The following CUL7 variants were observed in gnomAD, a reference collection of about 807,000 sequenced individuals.
CUL7 encodes cullin-7.
In CUL7, 96 loss-of-function variants were observed where a neutral mutation model predicts 177.7. That is an observed-to-expected ratio of 0.54 (90% confidence interval 0.46 to 0.64). CUL7 has a LOEUF of 0.64. Among genes scored for constraint, CUL7 ranks in the 30% least tolerant of loss-of-function variants. The probability of loss-of-function intolerance (pLI) is 0.00; values close to 1 mark genes in which losing one functional copy is unlikely to be tolerated. For missense variants in CUL7, 1,893 were observed against 2,187.9 expected (o/e 0.87, Z 2.69); for synonymous variants, 824 against 890.2 (o/e 0.93, Z 1.32).
Position 43,043,727 on chromosome 6 carries a change from G to A in CUL7, c.3173-97C>T, listed in dbSNP as rs550037715. On this transcript the variant is annotated intron_variant, in intron 16 of 25. Transcript: ENST00000265348. This position sits in a 1 kb window ranked among gnomAD's most constrained non-coding sequence, Gnocchi z 4.2. ...GAGTGTGGAGATAGAGCAACTGGAC[G>A]GAATGATACAAGGAAGGGGGGCCAG... The A allele has an allele frequency of 8.5e-6, 7 of 823,748 alleles. No homozygotes were observed. The highest frequency in any genetic ancestry group is 2.7e-5 in the East Asian group (1 of 37,694). 51.0% of individuals were successfully genotyped at this position (823,748 alleles called of 1,614,324 possible).
rs1764301874 is a variant in CUL7 at position 43,050,524 on chromosome 6, TAACAA to T, written c.1234-131_1234-127del. The T allele has an allele frequency of 1.3e-6, 1 of 764,308 alleles. No individual in the cohort carries two copies. 47.3% of individuals were successfully genotyped at this position (764,308 alleles called of 1,614,324 possible). A position where few individuals can be genotyped will look rare whatever the true frequency, so the allele number is the denominator to read the frequency against. ...GCCAGGTTTTAGAAAAACCTCCACATAACAAAACAGCAGCATATGGAGAATACACA... is the reference window on the plus strand; with the variant it reads ...GCCAGGTTTTAGAAAAACCTCCACATAACAGCAGCATATGGAGAATACACA... On this transcript the variant is annotated intron_variant, in intron 4 of 25. Transcript: ENST00000265348. This position sits in a 1 kb window ranked among gnomAD's most constrained non-coding sequence, Gnocchi z 4.1.
rs758991893 is a variant in CUL7 at position 43,052,773 on chromosome 6, G to T, written c.16C>A (p.Arg6Ser). The change falls in exon 2 of 26, where the codon CGC (arginine) becomes AGC (serine). Residue 6 changes from arginine to serine, a missense_variant. Physicochemically the swap from Arg to Ser is moderately radical, Grantham distance 110. Around this residue, in one of 5 missense-constraint regions of CUL7, gnomAD observed 653 missense variants for 725.2 expected, o/e 0.90. Transcript: ENST00000265348. The surrounding 1 kb of genome is among the most constrained non-coding windows in gnomAD (Gnocchi z 4.5). The part of the protein sequence containing the change: MVGEL[R>S]YREFRVPLGP... ...AGGGGCACCCTGAATTCCCTGTAGC[G>T]GAGTTCTCCCACCATCCTGGCACCT... 1.0e-5 allele frequency: 16 copies of T among 1,605,602 alleles called. No homozygotes were observed. Among genetic ancestry groups the T allele is most frequent in the Middle Eastern group, 1.6e-4 (1 of 6,084 alleles).
intron 9 of CUL7, 116 bp from the exon 10 acceptor site, chr6:43,047,223 T>A: frequency 1.4e-6 from 1 of 715,016 alleles, no homozygotes; most frequent in East Asian, 2.6e-5. Flanking sequence ...GGTGCTACAG[T>A]GAGCAAGGCA....
At chr6:43,048,048 G>T in intron 9 of CUL7, 100 bp downstream of exon 9, 1 of 725,188 alleles carries the variant, frequency 1.4e-6, no homozygotes. Flanking sequence ...GAGCTCAAAG[G>T]CTCTATCACG....
chr6:43,047,843 C>T lies in CUL7; in HGVS notation c.2169+305G>A, dbSNP rs184000828. 1.8e-4 allele frequency: 74 copies of T among 406,140 alleles called. No homozygotes were observed. The East Asian group carries it at 2.6e-3, about 14-fold the overall frequency. 25.2% of individuals were successfully genotyped at this position (406,140 alleles called of 1,614,324 possible). Reference sequence around the variant, plus strand: ...TTGCTTATATTTGCATAAGGGAACACGGGAAAGATACATAAATTAATACAA... The same window carrying T: ...TTGCTTATATTTGCATAAGGGAACATGGGAAAGATACATAAATTAATACAA... On this transcript the variant is annotated intron_variant, in intron 9 of 25. Coordinates refer to ENST00000265348, the MANE Select transcript of CUL7 (RefSeq NM_014780.5).
At chr6:43,048,613 T>C in intron 7 of CUL7, 44 bp from the exon 8 acceptor site, 2 of 1,299,168 alleles carry the variant, frequency 1.5e-6, no homozygotes, top group Non-Finnish European at 2.2e-6. Context: ...TTGTTAGTAA[T>C]GTGAAGGCTC....
intron 19 of CUL7, 55 bp downstream of exon 19, chr6:43,042,747 G>C: frequency 8.5e-7 from 1 of 1,176,944 alleles, no homozygotes; most frequent in South Asian, 1.2e-5. Flanking sequence ...GAGGAGGTGA[G>C]GAAGGGAGAG....
chr6:43,050,997 G>C lies in CUL7; in HGVS notation c.1204C>G (p.Gln402Glu), dbSNP rs1764347891. ...ACAGGAGGCACACCGTTGTTGCTCTGCCGAAACTCGCCCTCATCCCCGGCA... is the reference window on the plus strand; with the variant it reads ...ACAGGAGGCACACCGTTGTTGCTCTCCCGAAACTCGCCCTCATCCCCGGCA... ...ISAGDEGEFRQSNNGVPPVQV... is the reference protein window; with the variant it reads ...ISAGDEGEFRESNNGVPPVQV... Residue 402 changes from glutamine (Q) to glutamate (E), a missense_variant, in exon 4 of 26, where the codon CAG becomes GAG. By Grantham distance (29) the Gln-to-Glu change is conservative. This residue lies in a region of CUL7 where 653 missense variants were observed against 725.2 expected (regional missense o/e 0.90). Transcript: ENST00000265348. This position sits in a 1 kb window ranked among gnomAD's most constrained non-coding sequence, Gnocchi z 4.1. The C allele has an allele frequency of 4.3e-6, 7 of 1,614,080 alleles. No individual in the cohort carries two copies. Among genetic ancestry groups the C allele is most frequent in the Non-Finnish European group, 5.1e-6 (6 of 1,180,034 alleles).
At position 43,038,304 on chromosome 6, in the gene CUL7, C is replaced by A; in HGVS notation, c.4736G>T (p.Gly1579Val). The change falls in exon 25 of 26, where the codon GGA (glycine) becomes GTA (valine). Residue 1579 changes from glycine to valine, a missense_variant. Gly to Val is a moderately radical substitution (Grantham distance 109). Transcript: ENST00000265348. ...CTGGTCAATGTGCAGCCCCTCATCTCCATGGGCCTTGAGGATTCGGACGAT... is the reference window on the plus strand; with the variant it reads ...CTGGTCAATGTGCAGCCCCTCATCTACATGGGCCTTGAGGATTCGGACGAT... ...CLIVRILKAH[G>V]DEGLHIDQLV... The A allele has an allele frequency of 6.2e-7, 1 of 1,614,206 alleles. No homozygotes were observed. Among genetic ancestry groups the A allele is most frequent in the Non-Finnish European group, 8.5e-7 (1 of 1,180,030 alleles).
Position 43,045,159 on chromosome 6 carries a change from C to A in CUL7, c.3038+68G>T. 1 of 1,556,468 alleles carries A rather than the reference C, an allele frequency of 6.4e-7. No homozygotes were observed. Among genetic ancestry groups the A allele is most frequent in the African/African-American group, 1.4e-5 (1 of 73,412 alleles). Reference sequence around the variant, plus strand: ...ATCTCACAGCTTCTATGGACCCCTGCCTGCCAGCTATTTGCAATAGCCTTA... The same window carrying A: ...ATCTCACAGCTTCTATGGACCCCTGACTGCCAGCTATTTGCAATAGCCTTA... On this transcript the variant is annotated intron_variant, in intron 15 of 25. Coordinates refer to ENST00000265348, the MANE Select transcript of CUL7 (RefSeq NM_014780.5). This position sits in a 1 kb window ranked among gnomAD's most constrained non-coding sequence, Gnocchi z 4.8.
Position 43,040,415 on chromosome 6 carries a change from C to A in CUL7, c.4035G>T (p.Gly1345=). The change falls in exon 22 of 26, where the codon GGG becomes GGT. Residue 1345 remains glycine, a synonymous_variant. Transcript: ENST00000265348. This position sits in a 1 kb window ranked among gnomAD's most constrained non-coding sequence, Gnocchi z 4.2. ...CGCTCTTGTGCTCCTTGCCACTGGC[C>A]CCAAGGCCCACCTGAAGGAGCACAG... The part of the protein sequence containing the change: ...DTEKKIQVGL[G]ASGKEHKSEK... 2 of 1,612,606 alleles carry A rather than the reference C, an allele frequency of 1.2e-6. No individual in the cohort carries two copies. The highest frequency in any genetic ancestry group is 1.7e-6 in the Non-Finnish European group (2 of 1,180,022).
intron 6 of CUL7, 129 bp downstream of exon 6, chr6:43,049,834 G>A (rs1397514580): frequency 7.5e-7 from 1 of 1,333,734 alleles, no homozygotes; most frequent in Non-Finnish European, 1.1e-6. Context: ...GAAAATTCCA[G>A]ACCCCTCCTC....
At position 43,051,555 on chromosome 6, in the gene CUL7, G is replaced by A; in HGVS notation, c.732+57C>T. On this transcript the variant is annotated intron_variant, in intron 3 of 25. Transcript: ENST00000265348. This position sits in a 1 kb window ranked among gnomAD's most constrained non-coding sequence, Gnocchi z 5.0. Reference sequence around the variant, plus strand: ...CCATCCTCTGCAGATAGGTGCAAAGGCCTGGACCCTAGATCTTGTTCACAA... The same window carrying A: ...CCATCCTCTGCAGATAGGTGCAAAGACCTGGACCCTAGATCTTGTTCACAA... The A allele has an allele frequency of 6.2e-7, 1 of 1,613,908 alleles. No homozygotes were observed. Among genetic ancestry groups the A allele is most frequent in the South Asian group, 1.1e-5 (1 of 90,990 alleles).
chr6:43,038,433 G>A lies in CUL7; in HGVS notation c.4607C>T (p.Ser1536Leu), dbSNP rs765173994. 111 of 1,613,992 alleles carry A rather than the reference G, an allele frequency of 6.9e-5. No homozygotes were observed. Among genetic ancestry groups the A allele is most frequent in the Middle Eastern group, 4.9e-4 (3 of 6,084 alleles). ...KIRDGSKEPR[S>L]RWDIVRLIPP... ...GATGAGCCGCACAATGTCCCATCTCGACCTGGGTTCCTTGCTGCCATCTCG... is the reference window on the plus strand; with the variant it reads ...GATGAGCCGCACAATGTCCCATCTCAACCTGGGTTCCTTGCTGCCATCTCG... Residue 1536 changes from serine to leucine, a missense_variant, in exon 25 of 26, where the codon TCG becomes TTG. This residue lies in a region of CUL7 where 248 missense variants were observed against 262.5 expected (regional missense o/e 0.94). Transcript: ENST00000265348.
intron 8 of CUL7, 28 bp downstream of exon 8, chr6:43,048,304 G>C (rs867086384): frequency 6.3e-7 from 1 of 1,596,050 alleles, no homozygotes; most frequent in Non-Finnish European, 8.6e-7. Flanking sequence ...TTTGCCCTCA[G>C]AGATCCCACC....
chr6:43,053,667 A>G lies in CUL7; in HGVS notation c.-54T>C. 7.1e-7 allele frequency: 1 copy of G among 1,408,082 alleles called. No individual in the cohort carries two copies. The allele number at this position is 1,408,082 out of a possible 1,614,324, so 87.2% of individuals were successfully genotyped here. On this transcript the variant is annotated 5_prime_UTR_variant, in exon 1 of 26. Transcript: ENST00000265348. The surrounding 1 kb of genome is among the most constrained non-coding windows in gnomAD (Gnocchi z 4.1). ...CTGGCGCGAGGCCTGTCCTTCACAG[A>G]GCAAGGGACGCGGCACAGACGCTGG...
rs376233208 is a variant in CUL7 at position 43,046,258 on chromosome 6, T to A, written c.2638A>T (p.Met880Leu). 2 of 1,614,202 alleles carry A rather than the reference T, an allele frequency of 1.2e-6. No individual in the cohort carries two copies. Among genetic ancestry groups the A allele is most frequent in the Non-Finnish European group, 8.5e-7 (1 of 1,180,038 alleles). The change falls in exon 12 of 26, where the codon ATG becomes TTG. Residue 880 changes from methionine to leucine, a missense_variant. Coordinates refer to ENST00000265348, the MANE Select transcript of CUL7 (RefSeq NM_014780.5). The part of the protein sequence containing the change: ...SAGSHYITLH[M>L]RRGILIRQLT... ...TACCTGATGAGGATGCCCCGGCGCA[T>A]GTGCAGGGTGATGTAGTGGGAGCCG...
intron 22 of CUL7, among the ~76,000 whole-genome samples, chr6:43,039,598 C>G (rs1217253275): frequency 6.6e-6 from 1 of 152,208 alleles, no homozygotes; most frequent in South Asian, 2.1e-4. Context: ...CACCTGCCAC[C>G]CCCAGCCACC....
In CUL7 at chr6:43,050,889, GC is replaced by G; in HGVS notation, c.1233+78del. On this transcript the variant is annotated intron_variant, in intron 4 of 25. Transcript: ENST00000265348. The surrounding 1 kb of genome is among the most constrained non-coding windows in gnomAD (Gnocchi z 4.1). ...CTTTCTCTTTGGGTGGCCTGCTGGA[GC>G]CCCCCCATATAGAAGTCCCAGCTCT... The G allele has an allele frequency of 5.8e-6, 9 of 1,553,602 alleles. No individual in the cohort carries two copies. The highest frequency in any genetic ancestry group is 1.4e-5 in the African/African-American group (1 of 73,644).
Sources: allele counts gnomAD v4.1 joint callset (sites outside exome capture counted in the v4.1 genomes callset), GRCh38; gene constraint gnomAD v4.1.1; regional missense constraint gnomAD v4.1.1; non-coding constraint Gnocchi (gnomAD v3.1); transcripts MANE v1.5; gene names NCBI Gene and HGNC (gene_info 2026-07-23, HGNC 2026-07-21).